USP16: variants seen among roughly 807,000 people sequenced by gnomAD.
The protein encoded by USP16 is ubiquitin carboxyl-terminal hydrolase 16.
A neutral mutation model predicts 95.9 loss-of-function variants in USP16; 77 were observed. That is an observed-to-expected ratio of 0.80 (90% CI 0.67 to 0.97). The LOEUF is 0.97. USP16 is among the 50% of genes least tolerant of loss of function. The probability of loss-of-function intolerance (pLI) is 0.00; values close to 1 mark genes in which losing one functional copy is unlikely to be tolerated. For synonymous variants in USP16, 303 were observed against 318.2 expected, an observed-to-expected ratio of 0.95 and a Z score of 0.51; for missense variants, 943 against 959.9, an observed-to-expected ratio of 0.98 and a Z score of 0.23.
Position 29,053,819 on chromosome 21 carries a change from T to C in USP16, c.2211T>C (p.Asn737=). The C allele has an allele frequency of 1.2e-6, 2 of 1,610,668 alleles. No homozygotes were observed. Among genetic ancestry groups the C allele is most frequent in the Non-Finnish European group, 1.7e-6 (2 of 1,179,174 alleles). ...TTTTAAAGAATGTTGCAGAAGAAAATACAAGGGTACTCTATTCCTTATATG... is the reference window on the plus strand; with the variant it reads ...TTTTAAAGAATGTTGCAGAAGAAAACACAAGGGTACTCTATTCCTTATATG... ...TLKCKNVAEE[N]TRVLYSLYGV... The change falls in exon 17 of 18, where the codon AAT becomes AAC. Residue 737 remains asparagine (N), a synonymous_variant. Transcript: ENST00000399976.
At chr21:29,027,266 A>T (rs907368622) in intron 1 of USP16, among the ~76,000 whole-genome samples, 5 of 152,212 alleles carry the variant, frequency 3.3e-5, no homozygotes, top group Non-Finnish European at 7.3e-5. Context: ...AATAATGTAA[A>T]TAGTTGAGAA....
At position 29,028,095 on chromosome 21, in the gene USP16, T is replaced by C. The variant is rs2085021121; in HGVS notation, c.61+121T>C. 4 of 759,346 alleles carry C rather than the reference T, an allele frequency of 5.3e-6. No homozygotes were observed. The South Asian group carries it at 7.4e-5, about 14-fold the overall frequency. The allele number at this position is 759,346 out of a possible 1,614,324, so 47.0% of individuals were successfully genotyped here. On this transcript the variant is annotated intron_variant, in intron 2 of 17. Transcript: ENST00000399976. ...TATCTGCATTTTAATATAATGTTTGTATCTATATGTCATTTAATAGTCTTC... is the reference window on the plus strand; with the variant it reads ...TATCTGCATTTTAATATAATGTTTGCATCTATATGTCATTTAATAGTCTTC...
intron 1 of USP16, among the ~76,000 whole-genome samples, chr21:29,025,486 C>T (rs1296870116): frequency 2.6e-5 from 4 of 152,232 alleles, no homozygotes; most frequent in Non-Finnish European, 4.4e-5. Context: ...ATGCTCTCCT[C>T]ATGACTCATT....
intron 2 of USP16, among the ~76,000 whole-genome samples, chr21:29,028,782 G>A (rs983547028): frequency 2.6e-5 from 4 of 152,094 alleles, no homozygotes; most frequent in Non-Finnish European, 5.9e-5. Flanking sequence ...CAAAGACCAT[G>A]GATGTATATT....
At chr21:29,029,512 A>G (rs1165251074) in intron 2 of USP16, among the ~76,000 whole-genome samples, 1 of 152,160 alleles carries the variant, frequency 6.6e-6, no homozygotes, top group East Asian at 1.9e-4. Context: ...ATTTGCATTT[A>G]TATTTCTTTT....
At chr21:29,042,661 A>C (rs2085262648) in intron 12 of USP16, 133 bp downstream of exon 12, 8 of 700,758 alleles carry the variant, frequency 1.1e-5, no homozygotes, top group African/African-American at 9.5e-5. Flanking sequence ...TTGAGGTAGA[A>C]TGCATTTTAG....
chr21:29,037,569 C>T (rs2085178039), intron 6 of USP16, 106 bp downstream of exon 6: 2 of 622,406 alleles, frequency 3.2e-6, no homozygotes, highest in Non-Finnish European at 2.4e-6. Context: ...TTCTATGTAT[C>T]CAAAGAAAAC....
intron 9 of USP16, 33 bp from the exon 10 acceptor site, chr21:29,040,576 A>G (rs1221155536): frequency 1.1e-6 from 1 of 937,870 alleles, no homozygotes; most frequent in Non-Finnish European, 1.5e-6. Flanking sequence ...TTAAAATTTA[A>G]TAGTATATAT....
chr21:29,038,277 G>A (rs141330180), intron 6 of USP16, 58 bp from the exon 7 acceptor site: 1 of 1,166,048 alleles, frequency 8.6e-7, no homozygotes, highest in East Asian at 2.4e-5. Flanking sequence ...CTTAAGAAGT[G>A]TCAGAGTTGA....
chr21:29,045,859 G>A (rs1312130923), intron 13 of USP16, among the ~76,000 whole-genome samples: 1 of 152,106 alleles, frequency 6.6e-6, no homozygotes, highest in Admixed American at 6.5e-5. Flanking sequence ...AGGCTGGAGT[G>A]CAGTGGTGTG....
At position 29,053,848 on chromosome 21, in the gene USP16, T is replaced by C; in HGVS notation, c.2240T>C (p.Val747Ala). The stretch of plus-strand genomic sequence containing the variant: ...AGGGTACTCTATTCCTTATATGGAG[T>C]TGTTGAACACAGTGGTACTATGAGG... Reference protein sequence around the residue: ...NTRVLYSLYGVVEHSGTMRSG... With the variant: ...NTRVLYSLYGAVEHSGTMRSG... Residue 747 changes from valine (V) to alanine (A), a missense_variant, in exon 17 of 18, where the codon GTT becomes GCT. Val to Ala is a moderately conservative substitution (Grantham distance 64). Coordinates refer to ENST00000399976, the MANE Select transcript of USP16 (RefSeq NM_006447.3). 1 of 1,614,018 alleles carries C rather than the reference T, an allele frequency of 6.2e-7. No homozygotes were observed.
chr21:29,042,690 G>A, intron 12 of USP16, 162 bp downstream of exon 12: 1 of 551,820 alleles, frequency 1.8e-6, no homozygotes, highest in South Asian at 2.7e-5. Flanking sequence ...TAAAGAACAG[G>A]GTAACTACTT....
At chr21:29,052,530 T>A (rs892050155) in intron 16 of USP16, 1 of 152,200 alleles carries the variant, frequency 6.6e-6, no homozygotes, top group African/African-American at 2.4e-5. Context: ...CTCCCATGAT[T>A]CAGTTGCGTC....
Position 29,050,145 on chromosome 21 carries a change from A to G in USP16, c.2160A>G (p.Leu720=). 1.2e-6 allele frequency: 2 copies of G among 1,613,748 alleles called. No individual in the cohort carries two copies. The highest frequency in any genetic ancestry group is 1.7e-6 in the Non-Finnish European group (2 of 1,179,968). Residue 720 remains leucine, a synonymous_variant, in exon 16 of 18, where the codon TTA becomes TTG. Transcript: ENST00000399976. ...AACACATAAAGTTTCCGGAAATCTT[A>G]GATTTGGCTCCTTTTTGCACCCTTA... The part of the protein sequence containing the change: ...VNKHIKFPEI[L]DLAPFCTLKC...
chr21:29,039,244 T>C, intron 8 of USP16, 88 bp downstream of exon 8: 1 of 1,208,440 alleles, frequency 8.3e-7, no homozygotes, highest in Non-Finnish European at 1.1e-6. Flanking sequence ...ATAAAAATAT[T>C]AATAGCATTA....
In USP16 at chr21:29,054,315, A is replaced by G. The variant is rs2146408081; in HGVS notation, c.*128A>G. ...ATACATGCCAGAAGAAATCATGTTT[A>G]TTTAAATATTGAAGGGAAAAATACC... On this transcript the variant is annotated 3_prime_UTR_variant, in exon 18 of 18. Transcript: ENST00000399976. 2 of 1,197,892 alleles carry G rather than the reference A, an allele frequency of 1.7e-6. No individual in the cohort carries two copies. The highest frequency in any genetic ancestry group is 2.4e-4 in the Middle Eastern group (1 of 4,090). The allele number at this position is 1,197,892 out of a possible 1,614,324, so 74.2% of individuals were successfully genotyped here.
chr21:29,037,579 CTTTTTTTTT>C lies in USP16; in HGVS notation c.636+133_636+141del, dbSNP rs71189336. ...TTTATTTCTATGTATCCAAAGAAAA[CTTTTTTTTT>C]TTTTTTTTTTTTTTTTGAGACAGGG... is the stretch of plus-strand genomic sequence containing the variant. On this transcript the variant is annotated intron_variant, in intron 6 of 17. Coordinates refer to ENST00000399976, the MANE Select transcript of USP16 (RefSeq NM_006447.3). The C allele has an allele frequency of 7.5e-3, 1,384 of 184,234 alleles. 13 individuals carry two copies. The East Asian group carries it at 0.13, about 17-fold the overall frequency. 11.4% of individuals were successfully genotyped at this position (184,234 alleles called of 1,614,324 possible).
chr21:29,047,176 C>T lies in USP16; in HGVS notation c.1866C>T (p.Asn622=). 6.2e-7 allele frequency: 1 copy of T among 1,614,140 alleles called. No homozygotes were observed. Residue 622 remains asparagine, a synonymous_variant, in exon 14 of 18, where the codon AAC becomes AAT. Transcript: ENST00000399976. The part of the protein sequence containing the change: ...DPETAFCTLA[N]REVFNTDECS... ...AAACTGCTTTCTGTACTCTTGCAAA[C>T]AGGGAAGTTTTCAATACTGATGAGT...
chr21:29,045,614 C>T (rs1329402598), intron 13 of USP16, among the ~76,000 whole-genome samples: 4 of 151,314 alleles, frequency 2.6e-5, no homozygotes, highest in Non-Finnish European at 4.4e-5. Context: ...CATATGGATA[C>T]ATTTCTTTCT....
Sources: gnomAD v4.1 joint callset for allele counts (sites outside exome capture counted in the v4.1 genomes callset) on GRCh38, gnomAD v4.1.1 for gene constraint, MANE v1.5 for transcripts, NCBI Gene and HGNC (gene_info 2026-07-23, HGNC 2026-07-21) for gene names.